Variants in ANKS1B observed in about 807,000 individuals in gnomAD.
ANKS1B encodes the protein ankyrin repeat and sterile alpha motif domain containing 1B.
In ANKS1B, 36 loss-of-function variants were observed where a neutral mutation model predicts 148.3. The observed-to-expected ratio is 0.24, with a 90% CI of 0.19 to 0.32. The LOEUF is 0.32. Ranked by LOEUF, ANKS1B falls within the 10% of genes least tolerant of loss-of-function variation. ANKS1B has a pLI of 1.00. For synonymous variants in ANKS1B, 542 were observed against 560.8 expected, an observed-to-expected ratio of 0.97 and a Z score of 0.47; for missense variants, 1,157 against 1,542.6, an observed-to-expected ratio of 0.75 and a Z score of 4.19.
intron 8 of ANKS1B, among the ~76,000 whole-genome samples, chr12:99,701,517 A>C (rs942054065): frequency 6.6e-6 from 1 of 152,154 alleles, no homozygotes; most frequent in Non-Finnish European, 1.5e-5. Context: ...TCAAACATTC[A>C]TCATTTCTTT....
intron 9 of ANKS1B, among the ~76,000 whole-genome samples, chr12:99,507,555 T>G (rs374997822): frequency 6.6e-6 from 1 of 151,898 alleles, no homozygotes. Context: ...CATGTGAGTA[T>G]GTGCAAAGGA....
chr12:98,836,925 A>C (rs1342616875), intron 17 of ANKS1B, among the ~76,000 whole-genome samples: 1 of 152,374 alleles, frequency 6.6e-6, no homozygotes, highest in East Asian at 1.9e-4. Context: ...CAGAGCTTAC[A>C]ATATTGGAGA....
At chr12:99,687,038 T>G (rs2098653571) in intron 8 of ANKS1B, among the ~76,000 whole-genome samples, 3 of 152,214 alleles carry the variant, frequency 2.0e-5, no homozygotes, top group Non-Finnish European at 2.9e-5. Context: ...TTACAGTGAA[T>G]TCTGTCTGTG....
rs576922295 is a variant in ANKS1B at position 99,956,443 on chromosome 12, T to C, written c.134+27661A>G. On this transcript the variant is annotated intron_variant, in intron 1 of 26. Coordinates refer to ENST00000683438, the MANE Select transcript of ANKS1B (RefSeq NM_001352186.2). ...ATTATTCTACTACATCTCCTTTCTTTTCATCTTCCTTAAATGTCATTCTCA... is the reference window on the plus strand; with the variant it reads ...ATTATTCTACTACATCTCCTTTCTTCTCATCTTCCTTAAATGTCATTCTCA... Among the ~76,000 whole-genome samples, 3 of 152,322 alleles carry C rather than the reference T, an allele frequency of 2.0e-5. No homozygotes were observed. In the East Asian group the frequency reaches 5.8e-4, roughly 29 times the overall value.
intron 12 of ANKS1B, among the ~76,000 whole-genome samples, chr12:99,306,789 A>G (rs1211251874): frequency 6.6e-6 from 1 of 151,950 alleles, no homozygotes; most frequent in Admixed American, 6.6e-5. Flanking sequence ...TCACATATCT[A>G]GTGTTCATTT....
rs373621381 is a variant in ANKS1B, at chr12:98,759,402, C to T, written c.3580-7880G>A. 5.3e-5 allele frequency among the ~76,000 whole-genome samples: 8 copies of T among 152,270 alleles called. 2 individuals carry two copies. The highest frequency in any genetic ancestry group is 1.9e-4 in the East Asian group (1 of 5,164). ...GAGTAAAAGTGTCCATCAAGACTCT[C>T]ATTACATCCAGAGGAGGCTCATGGA... On this transcript the variant is annotated intron_variant, in intron 25 of 26. Transcript: ENST00000683438.
chr12:99,330,320 T>C (rs1393728532), intron 12 of ANKS1B, among the ~76,000 whole-genome samples: 1 of 151,954 alleles, frequency 6.6e-6, no homozygotes, highest in Non-Finnish European at 1.5e-5. Flanking sequence ...CAGCTACACT[T>C]ACTTAATGCA....
At chr12:99,044,695 G>T (rs1356834237) in intron 17 of ANKS1B, among the ~76,000 whole-genome samples, 3 of 152,166 alleles carry the variant, frequency 2.0e-5, no homozygotes, top group Non-Finnish European at 4.4e-5. Flanking sequence ...CGTAACTCTG[G>T]GGGAGGGATC....
At chr12:98,790,448 G>A (rs903856543) in intron 22 of ANKS1B, among the ~76,000 whole-genome samples, 6 of 152,174 alleles carry the variant, frequency 3.9e-5, no homozygotes, top group Admixed American at 6.5e-5. Flanking sequence ...TGCCTAGCAT[G>A]TAGTGAACAT....
intron 9 of ANKS1B, among the ~76,000 whole-genome samples, chr12:99,530,561 G>A (rs538728170): frequency 1.3e-5 from 2 of 152,100 alleles, no homozygotes; most frequent in East Asian, 1.9e-4. Context: ...TTGTACCACT[G>A]TATTAAAAAA....
chr12:99,051,064 T>A (rs1024946910), intron 17 of ANKS1B, among the ~76,000 whole-genome samples: 1 of 152,114 alleles, frequency 6.6e-6, no homozygotes, highest in Non-Finnish European at 1.5e-5. Flanking sequence ...GATCAGTCCC[T>A]AAGCCCCGGC....
intron 14 of ANKS1B, among the ~76,000 whole-genome samples, chr12:99,207,326 T>C (rs1297165053): frequency 6.6e-6 from 1 of 152,150 alleles, no homozygotes; most frequent in Admixed American, 6.6e-5. Flanking sequence ...TGTCATAGTT[T>C]AAAAAGTCTT....
At chr12:98,869,846 C>T (rs2099644267) in intron 17 of ANKS1B, among the ~76,000 whole-genome samples, 1 of 152,102 alleles carries the variant, frequency 6.6e-6, no homozygotes, top group Non-Finnish European at 1.5e-5. Context: ...GAAAAACAAA[C>T]TTCCCTGAAT....
chr12:98,749,893 G>C (rs2098030285), intron 26 of ANKS1B, among the ~76,000 whole-genome samples: 1 of 152,132 alleles, frequency 6.6e-6, no homozygotes, highest in African/African-American at 2.4e-5. Flanking sequence ...ATATATTTTA[G>C]GGGTAGGGTG....
chr12:99,504,565 T>C lies in ANKS1B; in HGVS notation c.1349A>G (p.Asn450Ser). The change falls in exon 10 of 27, where the codon AAT becomes AGT. Residue 450 changes from asparagine to serine, a missense_variant. Around this residue, in one of 6 missense-constraint regions of ANKS1B, gnomAD observed 661 missense variants for 642.1 expected, o/e 1.03. Transcript: ENST00000683438. ...CATGAGATCACACAGAAAGTTCTCA[T>C]TTTCTGAAGGAAATGTATCCAGAGA... is the stretch of plus-strand genomic sequence containing the variant. ...SASLDTFPSE[N>S]ENFLCDLMDT... 1 of 1,612,768 alleles carries C rather than the reference T, an allele frequency of 6.2e-7. No individual in the cohort carries two copies. The highest frequency in any genetic ancestry group is 8.5e-7 in the Non-Finnish European group (1 of 1,179,358).
At chr12:99,106,655 T>C (rs1375288166) in intron 15 of ANKS1B, among the ~76,000 whole-genome samples, 1 of 152,208 alleles carries the variant, frequency 6.6e-6, no homozygotes, top group Non-Finnish European at 1.5e-5. Context: ...AGTGTAATGA[T>C]CAAATCAGTA....
chr12:99,940,687 G>A (rs983635494), intron 1 of ANKS1B, among the ~76,000 whole-genome samples: 1 of 152,158 alleles, frequency 6.6e-6, no homozygotes, highest in African/African-American at 2.4e-5. Context: ...ACGCAAAGTT[G>A]AAAGTGATTC....
chr12:99,596,017 A>T (rs963444039), intron 9 of ANKS1B, among the ~76,000 whole-genome samples: 3 of 151,968 alleles, frequency 2.0e-5, no homozygotes, highest in Non-Finnish European at 4.4e-5. Context: ...CTATGAAATA[A>T]TTTTAAAGCC....
chr12:99,015,936 G>A (rs1419083817), intron 17 of ANKS1B, among the ~76,000 whole-genome samples: 4 of 152,064 alleles, frequency 2.6e-5, no homozygotes, highest in African/African-American at 7.2e-5. Flanking sequence ...TTCAGTCTAT[G>A]ACACTGAACA....
Sources: gnomAD v4.1 joint callset for allele counts (sites outside exome capture counted in the v4.1 genomes callset) on GRCh38, gnomAD v4.1.1 for gene constraint, gnomAD v4.1.1 regional missense constraint, MANE v1.5 for transcripts, NCBI Gene and HGNC (gene_info 2026-07-23, HGNC 2026-07-21) for gene names.